The following MTUS2 variants were observed in gnomAD, a reference collection of about 807,000 sequenced individuals.
MTUS2 encodes the protein microtubule-associated tumor suppressor candidate 2.
Under a neutral mutation model 114.1 loss-of-function variants are expected in MTUS2, and 40 were observed. The observed-to-expected ratio is 0.35, with a 90% CI of 0.27 to 0.46. MTUS2 has a LOEUF of 0.46. Ranked by LOEUF, MTUS2 falls within the 20% of genes least tolerant of loss-of-function variation. MTUS2 has a pLI of 1.00. For synonymous variants in MTUS2, 688 were observed against 672.0 expected (o/e 1.02, Z -0.37); for missense variants, 1,679 against 1,705.4 (o/e 0.98, Z 0.27).
intron 2 of MTUS2, among the ~76,000 whole-genome samples, chr13:28,890,592 A>G (rs1232246717): frequency 6.6e-6 from 1 of 152,228 alleles, no homozygotes; most frequent in Non-Finnish European, 1.5e-5. Context: ...TGCTCACAGA[A>G]TGCTAGTCTT....
chr13:28,980,582 A>G (rs967721142), intron 2 of MTUS2, among the ~76,000 whole-genome samples: 2 of 152,166 alleles, frequency 1.3e-5, no homozygotes, highest in African/African-American at 4.8e-5. Flanking sequence ...GAAAACAGGG[A>G]GCTGCTTCTT....
At chr13:29,398,105 A>G (rs557863492) in intron 8 of MTUS2, among the ~76,000 whole-genome samples, 1 of 152,328 alleles carries the variant, frequency 6.6e-6, no homozygotes, top group South Asian at 2.1e-4. Flanking sequence ...TACTTGCTAT[A>G]CTTCTCTGTG....
Position 29,000,526 on chromosome 13 carries a change from G to T in MTUS2, c.-242-23931G>T, listed in dbSNP as rs970861410. On this transcript the variant is annotated intron_variant, in intron 2 of 15. Coordinates refer to ENST00000612955, the MANE Select transcript of MTUS2 (RefSeq NM_001033602.4). ...TATAGGTGCACGCCACCACACCCGG[G>T]TAATTTTTTTTGTAGTTTTGGTAGA... is the stretch of plus-strand genomic sequence containing the variant. 8.6e-5 allele frequency among the ~76,000 whole-genome samples: 13 copies of T among 151,200 alleles called. 1 individual carries two copies. Among genetic ancestry groups the T allele is most frequent in the Non-Finnish European group, 1.0e-4 (7 of 67,952 alleles).
intron 5 of MTUS2, among the ~76,000 whole-genome samples, chr13:29,280,753 G>A (rs999939522): frequency 4.6e-5 from 7 of 152,076 alleles, no homozygotes; most frequent in East Asian, 3.9e-4. Context: ...GGTAATCTCC[G>A]TGCATTCAGG....
intron 2 of MTUS2, among the ~76,000 whole-genome samples, chr13:28,892,010 C>G (rs1013397381): frequency 5.3e-5 from 8 of 152,124 alleles, no homozygotes; most frequent in Non-Finnish European, 1.0e-4. Context: ...CCTTAACCCT[C>G]TAACCCCTTC....
chr13:29,291,077 C>T (rs1898691790), intron 6 of MTUS2, among the ~76,000 whole-genome samples: 1 of 152,186 alleles, frequency 6.6e-6, no homozygotes, highest in Non-Finnish European at 1.5e-5. Flanking sequence ...GTTAGTATGG[C>T]CTCCAGCAGG....
chr13:29,498,568 C>A (rs2139011397), intron 14 of MTUS2, 31 bp downstream of exon 14: 2 of 1,612,922 alleles, frequency 1.2e-6, no homozygotes, highest in Non-Finnish European at 1.7e-6. Context: ...GGGAGAGTAA[C>A]CTCCATGACA....
chr13:29,485,872 T>C (rs1881575772), intron 10 of MTUS2, among the ~76,000 whole-genome samples: 1 of 142,768 alleles, frequency 7.0e-6, no homozygotes, highest in African/African-American at 2.6e-5. Flanking sequence ...CAAGGGCCGA[T>C]GAAAGGTTTT....
At chr13:29,337,465 A>G (rs1369007973) in intron 7 of MTUS2, among the ~76,000 whole-genome samples, 1 of 152,128 alleles carries the variant, frequency 6.6e-6, no homozygotes, top group Non-Finnish European at 1.5e-5. Context: ...CTCACCCTCC[A>G]TGGGCTGCAC....
At chr13:29,133,597 G>T (rs997817938) in intron 5 of MTUS2, among the ~76,000 whole-genome samples, 7 of 152,184 alleles carry the variant, frequency 4.6e-5, no homozygotes, top group Non-Finnish European at 1.0e-4. Flanking sequence ...AGAATCATTT[G>T]TTGAAATGAT....
At chr13:29,162,167 A>T (rs1204772274) in intron 5 of MTUS2, among the ~76,000 whole-genome samples, 2 of 151,968 alleles carry the variant, frequency 1.3e-5, no homozygotes, top group Non-Finnish European at 2.9e-5. Flanking sequence ...CACCAGTCAT[A>T]TTGGCTTTAG....
At chr13:28,892,238 G>A (rs1303360595) in intron 2 of MTUS2, among the ~76,000 whole-genome samples, 1 of 152,204 alleles carries the variant, frequency 6.6e-6, no homozygotes, top group East Asian at 1.9e-4. Flanking sequence ...TGCGTGGGAT[G>A]TATCTGTACT....
chr13:29,076,795 T>G (rs1451913476), intron 4 of MTUS2, among the ~76,000 whole-genome samples: 1 of 152,176 alleles, frequency 6.6e-6, no homozygotes, highest in Non-Finnish European at 1.5e-5. Flanking sequence ...TGAGGATCAC[T>G]GGAGAGCCAC....
rs201034207 is a variant in MTUS2 at position 29,480,294 on chromosome 13, C to A, written c.3329C>A (p.Ala1110Glu). 7 of 1,555,270 alleles carry A rather than the reference C, an allele frequency of 4.5e-6. No individual in the cohort carries two copies. The South Asian group carries it at 4.7e-5, about 11-fold the overall frequency. Residue 1110 changes from alanine (A) to glutamate (E), a missense_variant, in exon 10 of 16, where the codon GCG becomes GAG. Physicochemically the swap from Ala to Glu is moderately radical, Grantham distance 107 (BLOSUM62 -1). Around this residue, in one of 3 missense-constraint regions of MTUS2, gnomAD observed 822 missense variants for 899.7 expected, o/e 0.91. Coordinates refer to ENST00000612955, the MANE Select transcript of MTUS2 (RefSeq NM_001033602.4). This position sits in a 1 kb window ranked among gnomAD's most constrained non-coding sequence, Gnocchi z 4.4. Reference protein sequence around the residue: ...LEERLQLQFEAEMARLQEEHG... With the variant: ...LEERLQLQFEEEMARLQEEHG... ...GAGCGGCTGCAGCTGCAATTCGAGGCGGAAATGGCGCGCCTGCAGGAGGAG... is the reference window on the plus strand; with the variant it reads ...GAGCGGCTGCAGCTGCAATTCGAGGAGGAAATGGCGCGCCTGCAGGAGGAG...
intron 8 of MTUS2, among the ~76,000 whole-genome samples, chr13:29,429,403 G>T (rs1876824549): frequency 6.6e-6 from 1 of 152,142 alleles, no homozygotes; most frequent in Non-Finnish European, 1.5e-5. Context: ...TGTTCTCTCT[G>T]TACTTCTTTG....
intron 5 of MTUS2, among the ~76,000 whole-genome samples, chr13:29,127,590 A>G (rs1566022166): frequency 6.6e-6 from 1 of 152,126 alleles, no homozygotes. Flanking sequence ...TGCACAGTGG[A>G]TTTTGGCTTT....
At chr13:29,416,082 A>ATTTTTTTTTT (rs139281629) in intron 8 of MTUS2, among the ~76,000 whole-genome samples, 16 of 127,700 alleles carry the variant, frequency 1.3e-4, no homozygotes, top group Admixed American at 1.7e-4. Context: ...CACCCCACTA[A>ATTTTTTTTTT]TTTTTTTTTT....
intron 6 of MTUS2, among the ~76,000 whole-genome samples, chr13:29,316,765 A>G (rs954654327): frequency 6.6e-6 from 1 of 152,242 alleles, no homozygotes; most frequent in African/African-American, 2.4e-5. Context: ...TTTGCAAACC[A>G]GTAATACCAA....
intron 2 of MTUS2, among the ~76,000 whole-genome samples, chr13:28,953,126 T>G (rs1882889310): frequency 2.0e-5 from 3 of 152,188 alleles, no homozygotes; most frequent in Non-Finnish European, 4.4e-5. Context: ...TTCTATACAC[T>G]TGGTCTTTTT....
Sources: allele counts gnomAD v4.1 joint callset (sites outside exome capture counted in the v4.1 genomes callset), GRCh38; gene constraint gnomAD v4.1.1; regional missense constraint gnomAD v4.1.1; non-coding constraint Gnocchi (gnomAD v3.1); transcripts MANE v1.5; gene names NCBI Gene and HGNC (gene_info 2026-07-23, HGNC 2026-07-21).